Variants in DOCK9 observed in about 807,000 individuals in gnomAD.
DOCK9 encodes dedicator of cytokinesis protein 9.
A neutral mutation model predicts 263.3 loss-of-function variants in DOCK9; 89 were observed. The observed-to-expected ratio is 0.34, with a 90% CI of 0.28 to 0.40. DOCK9 has a LOEUF of 0.40. Ranked by LOEUF, DOCK9 falls within the 10% of genes least tolerant of loss-of-function variation. The probability of loss-of-function intolerance (pLI) is 1.00; values close to 1 mark genes in which losing one functional copy is unlikely to be tolerated. For missense variants in DOCK9, 2,140 were observed against 2,603.4 expected, an observed-to-expected ratio of 0.82 and a Z score of 3.87; for synonymous variants, 976 against 973.1, an observed-to-expected ratio of 1.00 and a Z score of -0.06.
At chr13:98,848,280 G>A (rs2093451208) in intron 37 of DOCK9, among the ~76,000 whole-genome samples, 1 of 152,218 alleles carries the variant, frequency 6.6e-6, no homozygotes, top group Admixed American at 6.5e-5. Flanking sequence ...AAGAACTGGG[G>A]AGAAGAGGAT....
chr13:99,037,780 C>T (rs920027322), intron 1 of DOCK9, among the ~76,000 whole-genome samples: 1 of 152,114 alleles, frequency 6.6e-6, no homozygotes, highest in African/African-American at 2.4e-5. Context: ...CAAATTAATT[C>T]ATCAGTATAA....
intron 38 of DOCK9, among the ~76,000 whole-genome samples, 178 bp from the exon 39 acceptor site, chr13:98,837,787 A>T (rs367861000): frequency 2.6e-5 from 4 of 152,084 alleles, no homozygotes; most frequent in African/African-American, 7.2e-5. Context: ...GGGAGAAAGT[A>T]GTAATAATGT....
chr13:98,935,432 C>CA (rs2054653984), intron 2 of DOCK9, among the ~76,000 whole-genome samples: 1 of 152,282 alleles, frequency 6.6e-6, no homozygotes, highest in African/African-American at 2.4e-5. Context: ...ACCAGGCTTC[C>CA]ATGGCTGGAG....
chr13:98,826,088 CTG>C, intron 44 of DOCK9: 1 of 518,308 alleles, frequency 1.9e-6, no homozygotes, highest in Non-Finnish European at 3.2e-6. Context: ...AATATACAGT[CTG>C]TGGCCTCGGC....
intron 2 of DOCK9, among the ~76,000 whole-genome samples, chr13:98,935,297 T>C (rs182997556): frequency 3.2e-4 from 48 of 152,260 alleles, no homozygotes; most frequent in South Asian, 1.0e-3. Context: ...AATAAATAAA[T>C]ATATCCATTA....
chr13:99,002,434 G>C (rs1293308023), intron 1 of DOCK9, among the ~76,000 whole-genome samples: 1 of 152,008 alleles, frequency 6.6e-6, no homozygotes, highest in Non-Finnish European at 1.5e-5. Flanking sequence ...CTCCCTTCAG[G>C]GGCAACGTCC....
intron 1 of DOCK9, among the ~76,000 whole-genome samples, chr13:99,008,427 T>C (rs2141907919): frequency 6.6e-6 from 1 of 151,938 alleles, no homozygotes; most frequent in East Asian, 1.9e-4. Context: ...AGAGACGGGG[T>C]TTCACCATGT....
At chr13:98,939,593 G>A (rs1595493806) in intron 2 of DOCK9, among the ~76,000 whole-genome samples, 1 of 152,314 alleles carries the variant, frequency 6.6e-6, no homozygotes, top group South Asian at 2.1e-4. Context: ...CTGGGGCGGG[G>A]GCAAGGCACA....
chr13:98,998,144 G>A (rs1029092553), intron 1 of DOCK9, among the ~76,000 whole-genome samples: 3 of 152,232 alleles, frequency 2.0e-5, no homozygotes, highest in Non-Finnish European at 2.9e-5. Flanking sequence ...GCTGAGGTGG[G>A]GCCGGGATAG....
chr13:98,800,438 G>T lies in DOCK9; in HGVS notation c.5766C>A (p.Val1922=). The part of the protein sequence containing the change: ...CFPYVKKRIP[V]MYQHHTDLNP... Reference sequence around the variant, plus strand: ...TCAGGTCAGTGTGGTGCTGGTACATGACAGGGATGCGCTTCTTCACATAAG... The same window carrying T: ...TCAGGTCAGTGTGGTGCTGGTACATTACAGGGATGCGCTTCTTCACATAAG... The change falls in exon 50 of 53, where the codon GTC becomes GTA. Residue 1922 remains valine (V), a synonymous_variant. Transcript: ENST00000682017. The T allele has an allele frequency of 6.2e-7, 1 of 1,613,994 alleles. No individual in the cohort carries two copies. The highest frequency in any genetic ancestry group is 1.1e-5 in the South Asian group (1 of 91,070).
chr13:98,964,306 G>C (rs560012959), intron 1 of DOCK9, among the ~76,000 whole-genome samples: 1 of 152,288 alleles, frequency 6.6e-6, no homozygotes, highest in South Asian at 2.1e-4. Flanking sequence ...CCAGCACCTA[G>C]AACAGCACCC....
intron 27 of DOCK9, among the ~76,000 whole-genome samples, chr13:98,877,652 A>G (rs567408607): frequency 6.6e-6 from 1 of 152,250 alleles, no homozygotes; most frequent in South Asian, 2.1e-4. Context: ...TGGTCTTCCC[A>G]GATTCCCCAC....
At chr13:99,041,163 A>T (rs1888418926) in intron 1 of DOCK9, among the ~76,000 whole-genome samples, 1 of 152,040 alleles carries the variant, frequency 6.6e-6, no homozygotes, top group Admixed American at 6.6e-5. Context: ...TTTTCCCCTG[A>T]TTTCTTTACA....
intron 1 of DOCK9, among the ~76,000 whole-genome samples, chr13:98,964,961 T>C (rs1184088928): frequency 6.6e-6 from 1 of 152,198 alleles, no homozygotes; most frequent in East Asian, 1.9e-4. Flanking sequence ...AAGAGCCCCC[T>C]GCTCCACCTT....
At chr13:98,812,127 A>ATTTTTTTTTT (rs56880707) in intron 45 of DOCK9, among the ~76,000 whole-genome samples, 1 of 77,646 alleles carries the variant, frequency 1.3e-5, no homozygotes, top group African/African-American at 5.2e-5. Context: ...AAACCACAGG[A>ATTTTTTTTTT]TTTTTTTTTT....
intron 1 of DOCK9, among the ~76,000 whole-genome samples, chr13:99,051,855 CAAAA>C (rs11392986): frequency 1.7e-4 from 18 of 106,054 alleles, no homozygotes; most frequent in Non-Finnish European, 3.0e-4. Context: ...CCACTAGTGG[CAAAA>C]AAAAAAAAAA....
At chr13:99,016,893 G>A (rs1034939565) in intron 1 of DOCK9, among the ~76,000 whole-genome samples, 3 of 152,140 alleles carry the variant, frequency 2.0e-5, no homozygotes, top group Non-Finnish European at 4.4e-5. Context: ...TTAACTGACT[G>A]AGTACCTGGG....
chr13:98,801,713 A>C (rs2090131394), intron 49 of DOCK9, among the ~76,000 whole-genome samples: 1 of 152,208 alleles, frequency 6.6e-6, no homozygotes, highest in South Asian at 2.1e-4. Flanking sequence ...TTGAACAAGC[A>C]AACGTCAGAT....
intron 50 of DOCK9, among the ~76,000 whole-genome samples, chr13:98,799,553 T>C (rs1443380476): frequency 6.6e-6 from 1 of 152,234 alleles, no homozygotes; most frequent in Non-Finnish European, 1.5e-5. Context: ...CACAAGTGTA[T>C]ACAGCTTGAT....
Sources: gnomAD v4.1 joint callset for allele counts (sites outside exome capture counted in the v4.1 genomes callset) on GRCh38, gnomAD v4.1.1 for gene constraint, MANE v1.5 for transcripts, NCBI Gene and HGNC (gene_info 2026-07-23, HGNC 2026-07-21) for gene names.